Variants in TRIM16 observed in about 807,000 individuals in gnomAD.
TRIM16 encodes the protein tripartite motif containing 16.
TRIM16 carries 33 observed loss-of-function variants against 50.4 expected under a neutral mutation model. The ratio of observed to expected loss-of-function variants is 0.65; its 90% CI spans 0.50 to 0.88. The LOEUF (loss-of-function observed/expected upper bound fraction) is 0.88, where lower values mean the gene tolerates loss of function less well. TRIM16 is among the 40% of genes least tolerant of loss of function. The pLI, the probability that TRIM16 is intolerant of heterozygous loss-of-function variation, is 0.00. For synonymous variants in TRIM16, 229 were observed against 270.7 expected (o/e 0.85, Z 1.51); for missense variants, 581 against 686.8 (o/e 0.85, Z 1.72).
At chr17:15,679,410 A>ACGTG (rs61246596) in intron 4 of TRIM16, among the ~76,000 whole-genome samples, 1,675 of 152,294 alleles carry the variant, frequency 0.011, 42 homozygotes, top group African/African-American at 0.038. Flanking sequence ...CTGAGGCCTC[A>ACGTG]CGTGGTTGGA....
intron 6 of TRIM16, among the ~76,000 whole-genome samples, chr17:15,667,532 CT>C (rs952338617): frequency 9.9e-5 from 15 of 151,256 alleles, no homozygotes; most frequent in African/African-American, 2.7e-4. Context: ...GCAGAAGTAG[CT>C]TTTTTTTTCC....
intron 8 of TRIM16, among the ~76,000 whole-genome samples, chr17:15,641,072 C>G (rs555834482): frequency 6.7e-6 from 1 of 148,426 alleles, no homozygotes; most frequent in African/African-American, 2.5e-5. Flanking sequence ...CTGAGGCCAT[C>G]CTGAGAAAGG....
At chr17:15,682,090 G>C (rs1464547156) in intron 3 of TRIM16, among the ~76,000 whole-genome samples, 3 of 152,204 alleles carry the variant, frequency 2.0e-5, no homozygotes, top group Non-Finnish European at 4.4e-5. Flanking sequence ...TTGCTACAAT[G>C]TGTGTTAATG....
At chr17:15,683,572 A>G (rs1271444975) in intron 1 of TRIM16, 1 of 164,650 alleles carries the variant, frequency 6.1e-6, no homozygotes, top group Non-Finnish European at 1.3e-5. Context: ...ATGGATGCCT[A>G]CTATTAATAA....
chr17:15,651,753 G>T lies in TRIM16; in HGVS notation c.-144C>A. On this transcript the variant is annotated 5_prime_UTR_variant, in exon 7 of 12. Transcript: ENST00000649191. ...TTTCCTCCCTCCCAGAGGAAGCTCG[G>T]CCACTCATTACTGTGTGCTGGCGCT... 4 of 1,512,478 alleles carry T rather than the reference G, an allele frequency of 2.6e-6. No homozygotes were observed. Among genetic ancestry groups the T allele is most frequent in the Non-Finnish European group, 3.5e-6 (4 of 1,136,116 alleles). The allele number at this position is 1,512,478 out of a possible 1,614,324, so 93.7% of individuals were successfully genotyped here. A position where few individuals can be genotyped will look rare whatever the true frequency, so the allele number is the denominator to read the frequency against.
chr17:15,640,699 T>C (rs1289219035), intron 8 of TRIM16, among the ~76,000 whole-genome samples: 1 of 149,192 alleles, frequency 6.7e-6, no homozygotes, highest in East Asian at 2.0e-4. Flanking sequence ...GAGTTTTGCT[T>C]ATAACCATTT....
chr17:15,637,032 T>TA (rs1986787008), intron 8 of TRIM16, among the ~76,000 whole-genome samples: 1 of 146,522 alleles, frequency 6.8e-6, no homozygotes, highest in Admixed American at 6.7e-5. Flanking sequence ...TAAGAATTGG[T>TA]AGGAGCCTCT....
At chr17:15,655,699 C>T (rs9889876) in intron 6 of TRIM16, among the ~76,000 whole-genome samples, 1,863 of 152,206 alleles carry the variant, frequency 0.012, 38 homozygotes, top group African/African-American at 0.043. Flanking sequence ...CTCAGCCTCC[C>T]GAGTAGCTGG....
chr17:15,652,905 T>C (rs908873277), intron 6 of TRIM16, among the ~76,000 whole-genome samples: 48 of 152,304 alleles, frequency 3.2e-4, no homozygotes, highest in Admixed American at 2.2e-3. Context: ...TTCCACAGAA[T>C]GCTCCCTTCA....
intron 3 of TRIM16, among the ~76,000 whole-genome samples, chr17:15,681,838 T>G (rs1204042475): frequency 6.6e-6 from 1 of 152,254 alleles, no homozygotes; most frequent in Non-Finnish European, 1.5e-5. Flanking sequence ...AAAGCAGTAC[T>G]TAAACCTCCT....
intron 6 of TRIM16, among the ~76,000 whole-genome samples, chr17:15,663,907 T>C (rs61402712): frequency 0.2 from 29,915 of 152,186 alleles, 3,271 homozygotes; most frequent in East Asian, 0.33. Context: ...GTCTCCCATG[T>C]GGCCACAATG....
At chr17:15,637,441 G>A (rs1442055893) in intron 8 of TRIM16, among the ~76,000 whole-genome samples, 2 of 119,280 alleles carry the variant, frequency 1.7e-5, no homozygotes, top group Non-Finnish European at 3.6e-5. Flanking sequence ...TCTGGGAGGT[G>A]AGGGGCGCCT....
chr17:15,646,804 C>T (rs1987404117), intron 7 of TRIM16, among the ~76,000 whole-genome samples: 1 of 152,076 alleles, frequency 6.6e-6, no homozygotes, highest in Non-Finnish European at 1.5e-5. Context: ...ACGCTGACTG[C>T]ATGCCTCGGT....
chr17:15,634,243 G>C (rs1986596749), intron 9 of TRIM16, among the ~76,000 whole-genome samples: 1 of 145,962 alleles, frequency 6.9e-6, no homozygotes. Context: ...GCAGGAGAAT[G>C]GCGTGAACCC....
rs368738258 is a variant in TRIM16 at position 15,629,662 on chromosome 17, C to A, written c.1112-464G>T. The stretch of plus-strand genomic sequence containing the variant: ...TGGATCAAATGGAGCATGAAGAACT[C>A]TCAAACACGCCCTCATATTCTCCTC... On this transcript the variant is annotated intron_variant, in intron 11 of 11. Transcript: ENST00000649191. 6.6e-4 allele frequency among the ~76,000 whole-genome samples: 101 copies of A among 152,380 alleles called. No individual in the cohort carries two copies. In the Middle Eastern group the frequency reaches 0.041, roughly 62 times the overall value.
chr17:15,671,938 A>C (rs1268048172), intron 6 of TRIM16, among the ~76,000 whole-genome samples: 1 of 152,182 alleles, frequency 6.6e-6, no homozygotes, highest in Non-Finnish European at 1.5e-5. Context: ...AAGAGTGATA[A>C]CGTGACAACT....
At chr17:15,656,664 T>C (rs1001582389) in intron 6 of TRIM16, among the ~76,000 whole-genome samples, 6 of 152,222 alleles carry the variant, frequency 3.9e-5, no homozygotes, top group East Asian at 3.8e-4. Flanking sequence ...TTAACGCTTC[T>C]GGCTCCCAGC....
At chr17:15,665,302 GATC>G in intron 6 of TRIM16, among the ~76,000 whole-genome samples, 1 of 152,184 alleles carries the variant, frequency 6.6e-6, no homozygotes, top group Admixed American at 6.5e-5. Flanking sequence ...CACGAGGTCA[GATC>G]GAGACCATCC....
chr17:15,633,608 C>T (rs370657820), intron 9 of TRIM16, among the ~76,000 whole-genome samples: 62 of 137,340 alleles, frequency 4.5e-4, no homozygotes, highest in East Asian at 9.0e-4. Context: ...GGCGCAATCT[C>T]GGCTCACTGC....
Sources: allele counts gnomAD v4.1 joint callset (sites outside exome capture counted in the v4.1 genomes callset), GRCh38; gene constraint gnomAD v4.1.1; transcripts MANE v1.5; gene names NCBI Gene and HGNC (gene_info 2026-07-23, HGNC 2026-07-21).